AIG1: variants seen among roughly 807,000 people sequenced by gnomAD.
AIG1 encodes androgen induced 1.
Under a neutral mutation model 31.4 loss-of-function variants are expected in AIG1, and 23 were observed. The ratio of observed to expected loss-of-function variants is 0.73; its 90% confidence interval spans 0.53 to 1.04. The LOEUF is 1.04. AIG1 is among the 50% of genes least tolerant of loss of function. The probability of loss-of-function intolerance (pLI) is 0.00; values close to 1 mark genes in which losing one functional copy is unlikely to be tolerated. For missense variants in AIG1, 274 were observed against 295.0 expected, an observed-to-expected ratio of 0.93 and a Z score of 0.52; for synonymous variants, 100 against 110.5, an observed-to-expected ratio of 0.90 and a Z score of 0.60.
intron 1 of AIG1, among the ~76,000 whole-genome samples, chr6:143,104,812 G>A (rs961196205): frequency 2.0e-5 from 3 of 152,000 alleles, no homozygotes; most frequent in Non-Finnish European, 2.9e-5. Context: ...GCTGAGGCAG[G>A]AGGATTGCTT....
chr6:143,148,317 A>AACCAAACCCTGTT (rs1784875509), intron 2 of AIG1, among the ~76,000 whole-genome samples: 2 of 148,058 alleles, frequency 1.4e-5, no homozygotes, highest in African/African-American at 2.5e-5. Context: ...CCTGGGGAAC[A>AACCAAACCCTGTT]TAGTGAGATC....
chr6:143,185,441 G>A (rs1221133243), intron 3 of AIG1, among the ~76,000 whole-genome samples: 4 of 152,092 alleles, frequency 2.6e-5, no homozygotes, highest in Admixed American at 1.3e-4. Context: ...CCTGCACACT[G>A]CGCTCCTGAG....
chr6:143,212,024 G>T lies in AIG1; in HGVS notation c.399+46841G>T, dbSNP rs560147306. 3.3e-5 allele frequency among the ~76,000 whole-genome samples: 5 copies of T among 152,252 alleles called. No individual in the cohort carries two copies. In the East Asian group the frequency reaches 9.6e-4, roughly 29 times the overall value. ...CAGCATTATTGACTATTTGGGACCGGATAATTCTTGTTGGGTGGGGCCTGG... is the reference window on the plus strand; with the variant it reads ...CAGCATTATTGACTATTTGGGACCGTATAATTCTTGTTGGGTGGGGCCTGG... On this transcript the variant is annotated intron_variant, in intron 3 of 5. Coordinates refer to ENST00000357847, the MANE Select transcript of AIG1 (RefSeq NM_016108.4).
intron 1 of AIG1, among the ~76,000 whole-genome samples, chr6:143,116,211 C>T (rs1243080988): frequency 6.6e-6 from 1 of 152,106 alleles, no homozygotes; most frequent in Non-Finnish European, 1.5e-5. Context: ...GACTGTGCCC[C>T]TAAGATGTTT....
rs552472913 is a variant in AIG1, at chr6:143,154,755, T to TG, written c.298-10322dup. The stretch of plus-strand genomic sequence containing the variant: ...CCATGGCTATGTAAGATGATATCGC[T>TG]GGGGGAAGGATACACAGGAACACTG... On this transcript the variant is annotated intron_variant, in intron 2 of 5. Coordinates refer to ENST00000357847, the MANE Select transcript of AIG1 (RefSeq NM_016108.4). Among the ~76,000 whole-genome samples the TG allele has an allele frequency of 4.7e-3, 723 of 152,318 alleles. 8 individuals are homozygous for TG. The highest frequency in any genetic ancestry group is 0.016 in the African/African-American group (677 of 41,574).
downstream of AIG1, chr6:143,342,459 G>A: frequency 6.5e-6 from 5 of 774,808 alleles, no homozygotes; most frequent in South Asian, 6.8e-5. Flanking sequence ...AACAAGTGGT[G>A]AAGCATACAA....
At chr6:143,228,982 A>C (rs115371602) in intron 3 of AIG1, among the ~76,000 whole-genome samples, 2,031 of 152,322 alleles carry the variant, frequency 0.013, 38 homozygotes, top group African/African-American at 0.044. Flanking sequence ...GTGCCGGATC[A>C]TGCCATTGCC....
At chr6:143,232,236 C>G (rs924286150) in intron 3 of AIG1, among the ~76,000 whole-genome samples, 2 of 152,176 alleles carry the variant, frequency 1.3e-5, no homozygotes, top group Non-Finnish European at 1.5e-5. Flanking sequence ...GGCAGCCCTT[C>G]TGAATTAGCA....
At chr6:143,081,010 A>C (rs927774325) in intron 1 of AIG1, among the ~76,000 whole-genome samples, 6 of 152,128 alleles carry the variant, frequency 3.9e-5, no homozygotes, top group African/African-American at 1.2e-4. Context: ...TTGGCTAAGG[A>C]GGTGATGTCT....
At chr6:143,304,232 A>G (rs1238611207) in intron 4 of AIG1, among the ~76,000 whole-genome samples, 2 of 150,984 alleles carry the variant, frequency 1.3e-5, no homozygotes. Flanking sequence ...TCTCCTGCCT[A>G]ATTGCCCTGG....
intron 3 of AIG1, among the ~76,000 whole-genome samples, chr6:143,278,151 C>A (rs971131252): frequency 6.6e-6 from 1 of 152,200 alleles, no homozygotes; most frequent in Non-Finnish European, 1.5e-5. Context: ...CCATTACATT[C>A]GTCTGTCAGA....
At chr6:143,178,383 A>G (rs1025923727) in intron 3 of AIG1, among the ~76,000 whole-genome samples, 5 of 152,150 alleles carry the variant, frequency 3.3e-5, no homozygotes, top group African/African-American at 1.2e-4. Flanking sequence ...TCCTGCGGGC[A>G]TGGGACCCAG....
intron 3 of AIG1, among the ~76,000 whole-genome samples, chr6:143,211,529 A>G (rs1354958865): frequency 6.6e-6 from 1 of 152,198 alleles, no homozygotes; most frequent in Non-Finnish European, 1.5e-5. Context: ...AAAATATCCC[A>G]TAAGTCCTTC....
chr6:143,111,883 A>C (rs763738850), intron 1 of AIG1, among the ~76,000 whole-genome samples: 12 of 151,844 alleles, frequency 7.9e-5, no homozygotes, highest in South Asian at 2.1e-4. Context: ...TCTTCTCTAT[A>C]TCTCTCTCTT....
chr6:143,084,397 A>G (rs1433282514), intron 1 of AIG1, among the ~76,000 whole-genome samples: 1 of 152,156 alleles, frequency 6.6e-6, no homozygotes, highest in African/African-American at 2.4e-5. Context: ...CCTATTAGGC[A>G]TTTGATTTGC....
rs367846486 is a variant in AIG1, at chr6:143,104,142, C to G, written c.142-32693C>G. 1.7e-3 allele frequency among the ~76,000 whole-genome samples: 252 copies of G among 152,292 alleles called. 6 individuals carry two copies. In the South Asian group the frequency reaches 0.05, roughly 30 times the overall value. On this transcript the variant is annotated intron_variant, in intron 1 of 5. Coordinates refer to ENST00000357847, the MANE Select transcript of AIG1 (RefSeq NM_016108.4). The stretch of plus-strand genomic sequence containing the variant: ...CTATACTGGTTTCTGAGAAAGTCCC[C>G]TTTGTTGCCTTACTAGTCCCTCTTT...
At chr6:143,170,590 T>C (rs199552117) in intron 3 of AIG1, among the ~76,000 whole-genome samples, 27 of 82,112 alleles carry the variant, frequency 3.3e-4, no homozygotes, top group African/African-American at 1.0e-3. Context: ...AAAACAAGTT[T>C]TTTTTTTTTT....
At chr6:143,216,840 C>T (rs1193339868) in intron 3 of AIG1, among the ~76,000 whole-genome samples, 2 of 152,170 alleles carry the variant, frequency 1.3e-5, no homozygotes, top group Admixed American at 1.3e-4. Flanking sequence ...GAATCTCAAA[C>T]AGGTTGCCTC....
At chr6:143,098,630 T>G (rs1454364633) in intron 1 of AIG1, among the ~76,000 whole-genome samples, 1 of 152,216 alleles carries the variant, frequency 6.6e-6, no homozygotes, top group African/African-American at 2.4e-5. Context: ...AGCTCTATAT[T>G]CTTGTATCTA....
Sources: gnomAD v4.1 joint callset for allele counts (sites outside exome capture counted in the v4.1 genomes callset) on GRCh38, gnomAD v4.1.1 for gene constraint, MANE v1.5 for transcripts, NCBI Gene and HGNC (gene_info 2026-07-23, HGNC 2026-07-21) for gene names.